Variants in HDAC9 observed in about 807,000 individuals in gnomAD.
HDAC9 encodes MEF-2 interacting transcription repressor (MITR) protein.
A neutral mutation model predicts 139.4 loss-of-function variants in HDAC9; 41 were observed. That is an observed-to-expected ratio of 0.29 (90% confidence interval 0.23 to 0.38). The LOEUF is 0.38. Among genes scored for constraint, HDAC9 ranks in the 10% least tolerant of loss-of-function variants. The probability of loss-of-function intolerance (pLI) is 1.00; values close to 1 mark genes in which losing one functional copy is unlikely to be tolerated. For synonymous variants in HDAC9, 517 were observed against 476.2 expected (o/e 1.09, Z -1.12); for missense variants, 1,147 against 1,297.0 (o/e 0.88, Z 1.78).
intron 1 of HDAC9, among the ~76,000 whole-genome samples, chr7:18,369,735 T>A (rs762035326): frequency 1.3e-5 from 2 of 152,084 alleles, no homozygotes; most frequent in East Asian, 1.9e-4. Flanking sequence ...CAGCAAGTCA[T>A]GAAAAGTGTT....
chr7:18,665,340 C>T (rs1376410694), intron 11 of HDAC9, among the ~76,000 whole-genome samples: 1 of 152,054 alleles, frequency 6.6e-6, no homozygotes, highest in Non-Finnish European at 1.5e-5. Flanking sequence ...AAACAAATGA[C>T]CAGTGTGAGA....
At chr7:18,773,134 A>T (rs1368833234) in intron 16 of HDAC9, among the ~76,000 whole-genome samples, 4 of 152,048 alleles carry the variant, frequency 2.6e-5, no homozygotes, top group Non-Finnish European at 5.9e-5. Flanking sequence ...GCAGCATCTC[A>T]TCTGTGATTA....
At chr7:18,976,877 G>A (rs181845646) in intron 25 of HDAC9, among the ~76,000 whole-genome samples, 63 of 152,228 alleles carry the variant, frequency 4.1e-4, no homozygotes, top group Admixed American at 8.5e-4. Flanking sequence ...GACTCCCTCC[G>A]TCAATAACAT....
intron 1 of HDAC9, among the ~76,000 whole-genome samples, chr7:18,345,610 T>A (rs1268920488): frequency 6.6e-6 from 1 of 151,940 alleles, no homozygotes; most frequent in Non-Finnish European, 1.5e-5. Flanking sequence ...CAAGGACAAT[T>A]TTTTGCCCTT....
At chr7:18,346,861 A>G (rs1782456638) in intron 1 of HDAC9, among the ~76,000 whole-genome samples, 1 of 152,038 alleles carries the variant, frequency 6.6e-6, no homozygotes, top group Admixed American at 6.6e-5. Flanking sequence ...AGTGCAGGTC[A>G]TTTTTCTTCA....
intron 12 of HDAC9, among the ~76,000 whole-genome samples, chr7:18,675,283 T>C (rs908626502): frequency 2.0e-5 from 3 of 152,022 alleles, no homozygotes; most frequent in Admixed American, 1.3e-4. Flanking sequence ...TACGGTAATA[T>C]TGATTTTATA....
rs528107529 is a variant in HDAC9 at position 18,161,746 on chromosome 7, A to G, written c.-96-483A>G. Among the ~76,000 whole-genome samples, 4 of 152,294 alleles carry G rather than the reference A, an allele frequency of 2.6e-5. No homozygotes were observed. In the South Asian group the frequency reaches 6.2e-4, roughly 24 times the overall value. ...ATCATGGGAGTTTTCTGTCACTCTT[A>G]TAGTTTATGGCCTTTTTGTTCTTTT... On this transcript the variant is annotated intron_variant, in intron 1 of 12. Coordinates refer to the HDAC9 transcript ENST00000417496.
chr7:18,247,637 C>T (rs764103424), intron 2 of HDAC9, among the ~76,000 whole-genome samples: 12 of 152,154 alleles, frequency 7.9e-5, no homozygotes, highest in Non-Finnish European at 1.5e-4. Context: ...GGTGCCTCAC[C>T]TTCACTAGAA....
At chr7:18,769,827 T>G (rs553951351) in intron 16 of HDAC9, among the ~76,000 whole-genome samples, 78 of 152,236 alleles carry the variant, frequency 5.1e-4, no homozygotes, top group Non-Finnish European at 9.3e-4. Context: ...CTTGGCAGCA[T>G]GGGAGCACCC....
At chr7:18,689,834 C>A (rs1247448737) in intron 12 of HDAC9, among the ~76,000 whole-genome samples, 1 of 151,924 alleles carries the variant, frequency 6.6e-6, no homozygotes, top group Non-Finnish European at 1.5e-5. Context: ...TACTTGTCAA[C>A]TGTATCTAGG....
chr7:18,547,651 A>G (rs1274500749), intron 2 of HDAC9, among the ~76,000 whole-genome samples: 1 of 152,204 alleles, frequency 6.6e-6, no homozygotes, highest in Non-Finnish European at 1.5e-5. Context: ...ATAGCATTTG[A>G]CCTACACTAG....
At chr7:18,914,353 G>C (rs35248186) in intron 22 of HDAC9, among the ~76,000 whole-genome samples, 1 of 151,662 alleles carries the variant, frequency 6.6e-6, no homozygotes, top group Non-Finnish European at 1.5e-5. Context: ...CTATTCATTC[G>C]TTTCAGGTTT....
At chr7:18,944,193 G>T (rs567171126) in intron 23 of HDAC9, among the ~76,000 whole-genome samples, 2 of 152,212 alleles carry the variant, frequency 1.3e-5, no homozygotes, top group African/African-American at 4.8e-5. Context: ...TAGTTCATTA[G>T]CATGGAGAGT....
intron 22 of HDAC9, among the ~76,000 whole-genome samples, chr7:18,928,977 T>G (rs1259952925): frequency 6.6e-6 from 1 of 152,094 alleles, no homozygotes; most frequent in Non-Finnish European, 1.5e-5. Flanking sequence ...TAATATAGTT[T>G]TTTTTAATGA....
chr7:18,355,971 A>G lies in HDAC9; in HGVS notation c.-42+65456A>G, dbSNP rs549438389. ...AGGGATCTTACTGCAAGCGATTGAA[A>G]TGTTCCAAAATTGGATTATAGTGAT... On this transcript the variant is annotated intron_variant, in intron 1 of 3. Transcript: ENST00000413509. Among the ~76,000 whole-genome samples the G allele has an allele frequency of 7.2e-5, 11 of 152,292 alleles. No homozygotes were observed. In the East Asian group the frequency reaches 1.9e-3, roughly 27 times the overall value.
At chr7:18,434,468 T>C (rs1790985582) in intron 1 of HDAC9, among the ~76,000 whole-genome samples, 1 of 152,012 alleles carries the variant, frequency 6.6e-6, no homozygotes, top group Admixed American at 6.6e-5. Context: ...TAAACAGACA[T>C]GGGAGAAAAT....
At chr7:18,547,806 C>CCTTCCTTCCTTCCTTCCTT (rs1815510000) in intron 2 of HDAC9, among the ~76,000 whole-genome samples, 1 of 68,018 alleles carries the variant, frequency 1.5e-5, no homozygotes, top group Non-Finnish European at 2.9e-5. Context: ...TTCAAGAAAC[C>CCTTCCTTCCTTCCTTCCTT]CCTTCCTTCC....
chr7:18,981,259 GGAA>G (rs1217495431), intron 25 of HDAC9, among the ~76,000 whole-genome samples: 1 of 152,118 alleles, frequency 6.6e-6, no homozygotes, highest in Non-Finnish European at 1.5e-5. Flanking sequence ...AGCAGAATGA[GGAA>G]GAAGAACATG....
intron 1 of HDAC9, among the ~76,000 whole-genome samples, chr7:18,135,880 T>C (rs984305470): frequency 3.7e-5 from 5 of 135,258 alleles, no homozygotes; most frequent in African/African-American, 1.7e-4. Context: ...ATCACCACAC[T>C]GACTTCGACA....
Sources: allele counts gnomAD v4.1 joint callset (sites outside exome capture counted in the v4.1 genomes callset), GRCh38; gene constraint gnomAD v4.1.1; transcripts MANE v1.5; gene names NCBI Gene and HGNC (gene_info 2026-07-23, HGNC 2026-07-21).